Variants in ST6GAL1 observed in about 807,000 individuals in gnomAD.
ST6GAL1 encodes beta-galactoside alpha-2,6-sialyltransferase 1.
Under a neutral mutation model 38.0 loss-of-function variants are expected in ST6GAL1, and 20 were observed. The ratio of observed to expected loss-of-function variants is 0.53; its 90% confidence interval spans 0.37 to 0.77. ST6GAL1 has a LOEUF of 0.77. Among genes scored for constraint, ST6GAL1 ranks in the 30% least tolerant of loss-of-function variants. ST6GAL1 has a pLI of 0.00. For missense variants in ST6GAL1, 432 were observed against 496.4 expected (o/e 0.87, Z 1.23); for synonymous variants, 196 against 188.2 (o/e 1.04, Z -0.34).
chr3:186,962,112 T>G (rs532260916), intron 1 of ST6GAL1, among the ~76,000 whole-genome samples: 97 of 152,216 alleles, frequency 6.4e-4, no homozygotes, highest in Non-Finnish European at 1.2e-3. Flanking sequence ...CAGATGCCTT[T>G]GTTGTTCGCC....
chr3:186,937,387 A>G (rs1713999866), intron 1 of ST6GAL1, among the ~76,000 whole-genome samples: 1 of 152,206 alleles, frequency 6.6e-6, no homozygotes, highest in Admixed American at 6.5e-5. Context: ...AGAAGTCTAC[A>G]GGTACTGACA....
chr3:187,023,612 A>G (rs1053761142), intron 2 of ST6GAL1, among the ~76,000 whole-genome samples: 7 of 152,190 alleles, frequency 4.6e-5, no homozygotes, highest in African/African-American at 7.2e-5. Flanking sequence ...GGAAACTATC[A>G]TTCTCAGCAA....
At chr3:186,962,113 G>A (rs1345568633) in intron 1 of ST6GAL1, among the ~76,000 whole-genome samples, 4 of 152,226 alleles carry the variant, frequency 2.6e-5, no homozygotes, top group African/African-American at 9.7e-5. Context: ...AGATGCCTTT[G>A]TTGTTCGCCC....
At chr3:186,992,685 T>C (rs1239772082) in intron 2 of ST6GAL1, among the ~76,000 whole-genome samples, 3 of 152,026 alleles carry the variant, frequency 2.0e-5, no homozygotes, top group African/African-American at 7.3e-5. Flanking sequence ...TAATCTCAGC[T>C]ACTCGGAGGC....
intron 2 of ST6GAL1, among the ~76,000 whole-genome samples, chr3:187,012,636 ACT>A (rs1438746690): frequency 2.8e-4 from 42 of 152,032 alleles, no homozygotes; most frequent in African/African-American, 9.6e-4. Flanking sequence ...ACCCCACCAC[ACT>A]CTCTCAGTCC....
At chr3:187,020,850 G>A (rs1717271178) in intron 2 of ST6GAL1, among the ~76,000 whole-genome samples, 2 of 152,188 alleles carry the variant, frequency 1.3e-5, no homozygotes, top group African/African-American at 4.8e-5. Flanking sequence ...AGGCATTACA[G>A]GCAAGGATAT....
intron 2 of ST6GAL1, among the ~76,000 whole-genome samples, chr3:187,020,727 C>T (rs1053685900): frequency 6.6e-6 from 1 of 152,208 alleles, no homozygotes; most frequent in South Asian, 2.1e-4. Flanking sequence ...AGAAGTTTAT[C>T]CTGAGGCAAT....
Position 187,020,571 on chromosome 3 carries a change from C to T in ST6GAL1, c.-182-18171C>T, listed in dbSNP as rs570042021. 8.7e-4 allele frequency among the ~76,000 whole-genome samples: 133 copies of T among 152,364 alleles called. 4 individuals are homozygous for T. In the South Asian group the frequency reaches 0.026, roughly 29 times the overall value. On this transcript the variant is annotated intron_variant, in intron 2 of 7. Transcript: ENST00000169298. ...TCAGATGAAAGCCAAAACCCCTACA[C>T]CTGTGTAAGGCGCCACATTATCTGG...
intron 4 of ST6GAL1, 125 bp from the exon 5 acceptor site, chr3:187,051,124 G>A (rs1421059316): frequency 1.2e-6 from 1 of 819,734 alleles, no homozygotes; most frequent in African/African-American, 1.7e-5. Context: ...TTCGCCCTGT[G>A]GATCATGATG....
intron 3 of ST6GAL1, 72 bp from the exon 4 acceptor site, chr3:187,042,582 C>A: frequency 7.3e-7 from 1 of 1,374,502 alleles, no homozygotes; most frequent in Non-Finnish European, 9.9e-7. Context: ...ATTGCTCAGT[C>A]CATCGCTCCG....
intron 1 of ST6GAL1, among the ~76,000 whole-genome samples, chr3:186,950,856 A>G (rs190909172): frequency 3.7e-4 from 57 of 152,362 alleles, no homozygotes; most frequent in African/African-American, 1.3e-3. Context: ...TATTTGCTGC[A>G]TGCATGTTGT....
At chr3:187,025,199 C>T (rs1331597657) in intron 2 of ST6GAL1, among the ~76,000 whole-genome samples, 4 of 152,040 alleles carry the variant, frequency 2.6e-5, no homozygotes, top group South Asian at 4.1e-4. Context: ...TTGTTGGATC[C>T]GCAGTTGGGA....
chr3:187,075,611 C>T lies in ST6GAL1; in HGVS notation c.1029C>T (p.Phe343=). 1.2e-6 allele frequency: 2 copies of T among 1,614,100 alleles called. No homozygotes were observed. Among genetic ancestry groups the T allele is most frequent in the Non-Finnish European group, 1.7e-6 (2 of 1,180,012 alleles). Residue 343 remains phenylalanine, a synonymous_variant, in exon 8 of 8, where the codon TTC becomes TTT. Transcript: ENST00000169298. The surrounding 1 kb of genome is among the most constrained non-coding windows in gnomAD (Gnocchi z 4.1). ...TLCDQVDIYE[F]LPSKRKTDVC... ...GTGACCAGGTGGATATTTATGAGTTCCTCCCATCCAAGCGCAAGACTGACG... is the reference window on the plus strand; with the variant it reads ...GTGACCAGGTGGATATTTATGAGTTTCTCCCATCCAAGCGCAAGACTGACG...
chr3:186,933,229 A>G (rs1438896407), intron 1 of ST6GAL1, among the ~76,000 whole-genome samples: 1 of 152,040 alleles, frequency 6.6e-6, no homozygotes, highest in East Asian at 1.9e-4. Context: ...TTGCATACTC[A>G]CAAACCGGTC....
At chr3:187,025,232 T>C (rs1717492191) in intron 2 of ST6GAL1, among the ~76,000 whole-genome samples, 2 of 152,136 alleles carry the variant, frequency 1.3e-5, no homozygotes, top group African/African-American at 2.4e-5. Flanking sequence ...AGGAAACTGA[T>C]ACAAAGTCTG....
intron 2 of ST6GAL1, among the ~76,000 whole-genome samples, chr3:187,026,417 C>A (rs568955896): frequency 5.5e-4 from 84 of 152,114 alleles, no homozygotes; most frequent in Non-Finnish European, 9.1e-4. Flanking sequence ...ATTACAGGAC[C>A]TTTACTGCCT....
At chr3:187,065,993 A>G (rs763632967) in intron 5 of ST6GAL1, among the ~76,000 whole-genome samples, 1 of 152,178 alleles carries the variant, frequency 6.6e-6, no homozygotes, top group African/African-American at 2.4e-5. Flanking sequence ...GTTTGCCACC[A>G]GCACTTTAAA....
intron 2 of ST6GAL1, among the ~76,000 whole-genome samples, chr3:187,033,518 A>G (rs1717826471): frequency 1.3e-5 from 2 of 152,224 alleles, no homozygotes; most frequent in Non-Finnish European, 2.9e-5. Context: ...TTTTCTAGAC[A>G]GTTGGATATA....
At chr3:186,967,337 GCC>G (rs879550580) in intron 2 of ST6GAL1, among the ~76,000 whole-genome samples, 5,694 of 149,456 alleles carry the variant, frequency 0.038, 122 homozygotes, top group African/African-American at 0.058. Context: ...GATTACAGGC[GCC>G]TGCCACCACA....
Sources: gnomAD v4.1 joint callset for allele counts (sites outside exome capture counted in the v4.1 genomes callset) on GRCh38, gnomAD v4.1.1 for gene constraint, Gnocchi (gnomAD v3.1) non-coding constraint, MANE v1.5 for transcripts, NCBI Gene and HGNC (gene_info 2026-07-23, HGNC 2026-07-21) for gene names.